COL19A1: variants seen among roughly 807,000 people sequenced by gnomAD.
COL19A1 encodes collagen alpha-1(XIX) chain.
COL19A1 carries 159 observed loss-of-function variants against 190.2 expected under a neutral mutation model. That is an observed-to-expected ratio of 0.84 (90% confidence interval 0.73 to 0.95). The LOEUF (loss-of-function observed/expected upper bound fraction) is 0.95, where lower values mean the gene tolerates loss of function less well. COL19A1 is among the 40% of genes least tolerant of loss of function. The probability of loss-of-function intolerance (pLI) is 0.00; values close to 1 mark genes in which losing one functional copy is unlikely to be tolerated. For missense variants in COL19A1, 1,418 were observed against 1,431.9 expected, an observed-to-expected ratio of 0.99 and a Z score of 0.16; for synonymous variants, 509 against 458.9, an observed-to-expected ratio of 1.11 and a Z score of -1.39.
At chr6:70,204,177 C>G (rs753849652) in intron 49 of COL19A1, among the ~76,000 whole-genome samples, 50 of 152,046 alleles carry the variant, frequency 3.3e-4, no homozygotes, top group Admixed American at 1.3e-4. Context: ...GTAGACTTAT[C>G]GTATATGGAA....
chr6:70,172,758 A>C (rs1279292412), intron 41 of COL19A1, among the ~76,000 whole-genome samples: 5 of 152,248 alleles, frequency 3.3e-5, no homozygotes, highest in Admixed American at 3.3e-4. Flanking sequence ...AAAAAGGCTT[A>C]ACAGCTATTG....
intron 16 of COL19A1, among the ~76,000 whole-genome samples, chr6:70,109,312 C>A (rs1424369993): frequency 6.6e-6 from 1 of 152,004 alleles, no homozygotes; most frequent in Non-Finnish European, 1.5e-5. Flanking sequence ...AGGGCCAGAG[C>A]AAGAACTTTC....
chr6:70,205,393 G>A (rs1407192797), intron 49 of COL19A1, among the ~76,000 whole-genome samples: 1 of 152,120 alleles, frequency 6.6e-6, no homozygotes, highest in East Asian at 1.9e-4. Flanking sequence ...CATACATACT[G>A]TTCATAGGGA....
intron 15 of COL19A1, among the ~76,000 whole-genome samples, chr6:70,099,703 T>G (rs918449917): frequency 6.6e-6 from 1 of 152,210 alleles, no homozygotes; most frequent in African/African-American, 2.4e-5. Flanking sequence ...AAGGTGCTAA[T>G]AGAAATTCAA....
chr6:70,127,272 A>G (rs533662989), intron 17 of COL19A1, among the ~76,000 whole-genome samples: 29 of 152,284 alleles, frequency 1.9e-4, no homozygotes, highest in African/African-American at 6.5e-4. Flanking sequence ...AGAGATTTGA[A>G]GGTGATATTA....
intron 16 of COL19A1, among the ~76,000 whole-genome samples, chr6:70,119,831 C>T (rs1333942797): frequency 6.6e-6 from 1 of 152,242 alleles, no homozygotes; most frequent in African/African-American, 2.4e-5. Flanking sequence ...TGGCTCACGC[C>T]TGTAATACCA....
chr6:70,027,725 A>G (rs1052744288), intron 12 of COL19A1, among the ~76,000 whole-genome samples: 1 of 152,222 alleles, frequency 6.6e-6, no homozygotes, highest in Admixed American at 6.5e-5. Flanking sequence ...AGAAAATTTA[A>G]CCTTGAAAAT....
chr6:70,107,694 A>T (rs1020705570), intron 16 of COL19A1, among the ~76,000 whole-genome samples: 1 of 152,210 alleles, frequency 6.6e-6, no homozygotes, highest in African/African-American at 2.4e-5. Context: ...GAAATAAAAG[A>T]TCACTTTGCA....
chr6:70,144,162 G>T, intron 23 of COL19A1, 48 bp from the exon 24 acceptor site: 1 of 1,471,256 alleles, frequency 6.8e-7, no homozygotes, highest in Non-Finnish European at 9.5e-7. Flanking sequence ...AAATGTTATT[G>T]TAAGAGATGT....
At chr6:70,194,738 T>C (rs1767084727) in intron 48 of COL19A1, among the ~76,000 whole-genome samples, 1 of 152,122 alleles carries the variant, frequency 6.6e-6, no homozygotes, top group South Asian at 2.1e-4. Flanking sequence ...GGAATTTACA[T>C]CAACATGCAG....
chr6:70,105,364 G>C (rs1346876220), intron 16 of COL19A1, among the ~76,000 whole-genome samples: 1 of 151,964 alleles, frequency 6.6e-6, no homozygotes, highest in African/African-American at 2.4e-5. Context: ...TACCATGTTG[G>C]CCAGGATGGT....
intron 42 of COL19A1, among the ~76,000 whole-genome samples, chr6:70,177,221 A>G (rs748196019): frequency 6.6e-6 from 1 of 152,192 alleles, no homozygotes; most frequent in African/African-American, 2.4e-5. Context: ...CGCTTTATGA[A>G]TAAGAGGCCA....
chr6:69,892,430 T>C (rs897083907), intron 2 of COL19A1, among the ~76,000 whole-genome samples: 1 of 152,228 alleles, frequency 6.6e-6, no homozygotes, highest in Non-Finnish European at 1.5e-5. Context: ...TCTCCAGTCC[T>C]CATTTTTATT....
intron 11 of COL19A1, among the ~76,000 whole-genome samples, chr6:70,010,599 G>C (rs1400172434): frequency 2.8e-5 from 4 of 140,730 alleles, no homozygotes; most frequent in Admixed American, 1.4e-4. Context: ...AAGGGGTGAC[G>C]GACGCACCTG....
chr6:70,187,667 A>T (rs1277151472), intron 46 of COL19A1, among the ~76,000 whole-genome samples: 1 of 148,944 alleles, frequency 6.7e-6, no homozygotes, highest in African/African-American at 2.5e-5. Flanking sequence ...TTTTTAAGTG[A>T]AAAGTCTCAG....
chr6:70,191,962 T>G (rs1429980644), intron 48 of COL19A1, among the ~76,000 whole-genome samples: 1 of 152,180 alleles, frequency 6.6e-6, no homozygotes, highest in African/African-American at 2.4e-5. Context: ...GCACATTATC[T>G]TACTTTATAT....
chr6:69,883,018 G>A (rs1465341126), intron 2 of COL19A1, among the ~76,000 whole-genome samples: 1 of 152,206 alleles, frequency 6.6e-6, no homozygotes, highest in Non-Finnish European at 1.5e-5. Context: ...GATAAATAAT[G>A]TAGCTTCTAA....
At chr6:69,888,644 T>A (rs1413271554) in intron 2 of COL19A1, among the ~76,000 whole-genome samples, 1 of 152,040 alleles carries the variant, frequency 6.6e-6, no homozygotes, top group Admixed American at 6.6e-5. Context: ...TACAAAAAAA[T>A]TAGCCGGGCG....
At chr6:70,137,647 A>G (rs769237952) in intron 18 of COL19A1, 38 bp from the exon 19 acceptor site, 1 of 1,599,066 alleles carries the variant, frequency 6.3e-7, no homozygotes, top group East Asian at 2.2e-5. Context: ...TGCTTCTCTA[A>G]CCATCTGCAA....
Sources: gnomAD v4.1 joint callset for allele counts (sites outside exome capture counted in the v4.1 genomes callset) on GRCh38, gnomAD v4.1.1 for gene constraint, MANE v1.5 for transcripts, NCBI Gene and HGNC (gene_info 2026-07-23, HGNC 2026-07-21) for gene names.